Variants in PDZRN4 observed in about 807,000 individuals in gnomAD.
The protein encoded by PDZRN4 is PDZ domain containing ring finger 4, also known as PDZ domain-containing RING finger protein 4.
Under a neutral mutation model 99.0 loss-of-function variants are expected in PDZRN4, and 70 were observed. The ratio of observed to expected loss-of-function variants is 0.71; its 90% CI spans 0.58 to 0.86. PDZRN4 has a LOEUF of 0.86. Ranked by LOEUF, PDZRN4 falls within the 40% of genes least tolerant of loss-of-function variation. The probability of loss-of-function intolerance (pLI) is 0.00; values close to 1 mark genes in which losing one functional copy is unlikely to be tolerated. For synonymous variants in PDZRN4, 551 were observed against 501.6 expected (o/e 1.10, Z -1.32); for missense variants, 1,474 against 1,331.2 (o/e 1.11, Z -1.67).
At chr12:41,189,536 A>G (rs1030637344) in intron 1 of PDZRN4, among the ~76,000 whole-genome samples, 5 of 152,098 alleles carry the variant, frequency 3.3e-5, no homozygotes, top group Admixed American at 2.6e-4. Flanking sequence ...CGCGGCCACC[A>G]GCATCCCCGC....
chr12:41,477,191 AT>A (rs1937611931), intron 3 of PDZRN4, among the ~76,000 whole-genome samples: 1 of 152,176 alleles, frequency 6.6e-6, no homozygotes, highest in African/African-American at 2.4e-5. Context: ...TGATTGTTTA[AT>A]TGCAGATTAA....
intron 3 of PDZRN4, among the ~76,000 whole-genome samples, chr12:41,408,434 G>A (rs1410980172): frequency 6.6e-6 from 1 of 152,126 alleles, no homozygotes; most frequent in East Asian, 1.9e-4. Flanking sequence ...CAGAGTCCAA[G>A]TTTTCTCAAA....
intron 3 of PDZRN4, among the ~76,000 whole-genome samples, chr12:41,326,667 G>T (rs573087426): frequency 6.6e-6 from 1 of 152,122 alleles, no homozygotes. Context: ...CATAATTCTG[G>T]TGCAGGCAGT....
At chr12:41,235,288 T>C (rs1951058530) in intron 3 of PDZRN4, among the ~76,000 whole-genome samples, 1 of 152,148 alleles carries the variant, frequency 6.6e-6, no homozygotes, top group African/African-American at 2.4e-5. Flanking sequence ...TGCCATTGTG[T>C]TTCTTTTGCA....
rs190590409 is a variant in PDZRN4 at position 41,498,951 on chromosome 12, T to G, written c.844-7505T>G. Among the ~76,000 whole-genome samples, 4 of 152,214 alleles carry G rather than the reference T, an allele frequency of 2.6e-5. 1 individual carries two copies. Among genetic ancestry groups the G allele is most frequent in the Admixed American group, 6.6e-5 (1 of 15,264 alleles). ...GTTAAAGTCAGAAGAGTTTCATGCT[T>G]AGGGTCCCAGAAGAAAACAAATAGC... On this transcript the variant is annotated intron_variant, in intron 3 of 9. Coordinates refer to ENST00000402685, the MANE Select transcript of PDZRN4 (RefSeq NM_001164595.2).
Position 41,573,779 on chromosome 12 carries a change from C to A in PDZRN4, c.3000C>A (p.Asn1000Lys), listed in dbSNP as rs1297034487. The A allele has an allele frequency of 6.2e-7, 1 of 1,613,690 alleles. No individual in the cohort carries two copies. Among genetic ancestry groups the A allele is most frequent in the African/African-American group, 1.3e-5 (1 of 74,974 alleles). ...ACAAAAAGATGATGAAAAAGAGAAA[C>A]AAGAAAATTTTGGACAACTGGATGA... Reference protein sequence around the residue: ...LSHKKMMKKRNKKILDNWMTI... With the variant: ...LSHKKMMKKRKKKILDNWMTI... The change falls in exon 10 of 10, where the codon AAC (asparagine) becomes AAA (lysine). Residue 1000 changes from asparagine (N) to lysine (K), a missense_variant. Coordinates refer to ENST00000402685, the MANE Select transcript of PDZRN4 (RefSeq NM_001164595.2).
rs200315965 is a variant in PDZRN4 at position 41,337,924 on chromosome 12, TTTTTTG to T, written c.843+143747_843+143752del. Among the ~76,000 whole-genome samples, 141 of 152,226 alleles carry T rather than the reference TTTTTTG, an allele frequency of 9.3e-4. 2 individuals carry two copies. In the East Asian group the frequency reaches 0.024, roughly 26 times the overall value. On this transcript the variant is annotated intron_variant, in intron 3 of 9. Transcript: ENST00000402685. ...CCATTCTCTTCCTATGTGCTGTCTT[TTTTTTG>T]TTTTTGTTTTAAGAGATGGAGTCTT...
At chr12:41,438,040 C>T (rs767631068) in intron 3 of PDZRN4, 31 of 1,610,894 alleles carry the variant, frequency 1.9e-5, no homozygotes, top group Non-Finnish European at 2.5e-5. Context: ...ATACCAGCAA[C>T]TAAGAGCCAG....
rs144631804 is a variant in PDZRN4, at chr12:41,474,621, A to T, written c.844-31835A>T. ...GAAACTGGGGATCTCAGGGACACTAAAGGTTTTGAGCAGGATAATCATCTA... is the reference window on the plus strand; with the variant it reads ...GAAACTGGGGATCTCAGGGACACTATAGGTTTTGAGCAGGATAATCATCTA... On this transcript the variant is annotated intron_variant, in intron 3 of 9. Coordinates refer to ENST00000402685, the MANE Select transcript of PDZRN4 (RefSeq NM_001164595.2). Among the ~76,000 whole-genome samples, 362 of 152,268 alleles carry T rather than the reference A, an allele frequency of 2.4e-3. 1 individual carries two copies. Among genetic ancestry groups the T allele is most frequent in the African/African-American group, 8.3e-3 (346 of 41,562 alleles).
intron 3 of PDZRN4, among the ~76,000 whole-genome samples, chr12:41,317,048 G>GTATACATACATACATATATATATATATA (rs374645706): frequency 4.3e-5 from 3 of 69,582 alleles, no homozygotes; most frequent in Admixed American, 2.0e-4. Context: ...CTTACATAAA[G>GTATACATACATACATATATATATATATA]TATATATATA....
intron 3 of PDZRN4, among the ~76,000 whole-genome samples, chr12:41,357,533 G>T (rs1329660979): frequency 1.3e-5 from 2 of 151,928 alleles, no homozygotes; most frequent in Non-Finnish European, 1.5e-5. Flanking sequence ...AACACAATGA[G>T]CATGGTCCCT....
At chr12:41,549,076 C>T (rs1320013363) in intron 5 of PDZRN4, among the ~76,000 whole-genome samples, 1 of 152,112 alleles carries the variant, frequency 6.6e-6, no homozygotes. Flanking sequence ...GATTCTTTCA[C>T]TCTAGTGACA....
At chr12:41,301,639 T>C (rs574530902) in intron 3 of PDZRN4, among the ~76,000 whole-genome samples, 2 of 152,180 alleles carry the variant, frequency 1.3e-5, no homozygotes, top group South Asian at 4.1e-4. Flanking sequence ...AAAAAGATAA[T>C]GCTAAATCTA....
At chr12:41,546,418 G>T (rs191374717) in intron 5 of PDZRN4, among the ~76,000 whole-genome samples, 51 of 152,268 alleles carry the variant, frequency 3.3e-4, no homozygotes, top group Non-Finnish European at 6.3e-4. Context: ...TACTCGTATA[G>T]CTTTGGGATT....
At chr12:41,253,678 A>T (rs138658393) in intron 3 of PDZRN4, among the ~76,000 whole-genome samples, 1 of 152,358 alleles carries the variant, frequency 6.6e-6, no homozygotes, top group East Asian at 1.9e-4. Flanking sequence ...TATCAAAGAT[A>T]TACCTGCACT....
chr12:41,448,921 A>C, intron 3 of PDZRN4, among the ~76,000 whole-genome samples: 1 of 152,102 alleles, frequency 6.6e-6, no homozygotes, highest in East Asian at 1.9e-4. Context: ...GCTTTTCTCC[A>C]AAAACAAAAC....
chr12:41,418,876 A>G (rs943904742), intron 3 of PDZRN4, among the ~76,000 whole-genome samples: 3 of 152,162 alleles, frequency 2.0e-5, no homozygotes, highest in Non-Finnish European at 4.4e-5. Flanking sequence ...TCAGATCAGC[A>G]TCTAGCTGAC....
intron 3 of PDZRN4, among the ~76,000 whole-genome samples, chr12:41,415,295 A>C (rs1240966385): frequency 6.6e-6 from 1 of 150,500 alleles, no homozygotes; most frequent in East Asian, 1.9e-4. Context: ...TTTAGGAGGA[A>C]AAGTCAATGG....
chr12:41,249,794 G>A (rs1951156193), intron 3 of PDZRN4, among the ~76,000 whole-genome samples: 1 of 152,156 alleles, frequency 6.6e-6, no homozygotes, highest in African/African-American at 2.4e-5. Flanking sequence ...AATTTCAACT[G>A]TAGAAGCTAG....
Sources: allele counts gnomAD v4.1 joint callset (sites outside exome capture counted in the v4.1 genomes callset), GRCh38; gene constraint gnomAD v4.1.1; transcripts MANE v1.5; gene names NCBI Gene and HGNC (gene_info 2026-07-23, HGNC 2026-07-21).